NMNAT1: variants seen among roughly 807,000 people sequenced by gnomAD.
NMNAT1 encodes nicotinamide nucleotide adenylyltransferase 1.
Under a neutral mutation model 16.7 loss-of-function variants are expected in NMNAT1, and 11 were observed. The ratio of observed to expected loss-of-function variants is 0.66; its 90% CI spans 0.41 to 1.09. The LOEUF (loss-of-function observed/expected upper bound fraction) is 1.09. Ranked by LOEUF, NMNAT1 falls within the 50% of genes least tolerant of loss-of-function variation. The pLI is 0.00. For missense variants in NMNAT1, 280 were observed against 332.3 expected, an observed-to-expected ratio of 0.84 and a Z score of 1.22; for synonymous variants, 110 against 119.8, an observed-to-expected ratio of 0.92 and a Z score of 0.53.
chr1:9,944,468 A>G (rs549918868), intron 1 of NMNAT1, among the ~76,000 whole-genome samples: 1 of 152,320 alleles, frequency 6.6e-6, no homozygotes, highest in South Asian at 2.1e-4. Flanking sequence ...AGTCCACAGA[A>G]CAACATCAGT....
chr1:9,967,959 G>C (rs568236585), intron 1 of NMNAT1, among the ~76,000 whole-genome samples: 1 of 152,054 alleles, frequency 6.6e-6, no homozygotes, highest in African/African-American at 2.4e-5. Context: ...CTGGACAACA[G>C]AGTGAGATAC....
chr1:9,987,948 A>G (rs1367659844), downstream of NMNAT1, among the ~76,000 whole-genome samples: 1 of 152,128 alleles, frequency 6.6e-6, no homozygotes, highest in African/African-American at 2.4e-5. Flanking sequence ...TTATTTACTT[A>G]CTTATTTCCC....
chr1:9,992,535 G>A, the NMNAT1 span, among the ~76,000 whole-genome samples: 2 of 152,112 alleles, frequency 1.3e-5, no homozygotes, highest in Non-Finnish European at 2.9e-5. Flanking sequence ...TTCAGTCCTA[G>A]TTGTTCCAAT....
chr1:9,986,023 C>T (rs1387114692), downstream of NMNAT1, among the ~76,000 whole-genome samples: 2 of 152,182 alleles, frequency 1.3e-5, no homozygotes, highest in Admixed American at 1.3e-4. Flanking sequence ...GGGATGATCA[C>T]TGTCCCCTTG....
chr1:9,973,568 C>A (rs948803423), intron 2 of NMNAT1, among the ~76,000 whole-genome samples: 2 of 151,220 alleles, frequency 1.3e-5, no homozygotes, highest in Non-Finnish European at 2.9e-5. Flanking sequence ...ATTAGCCGGG[C>A]ATGGTGGCGG....
downstream of NMNAT1, among the ~76,000 whole-genome samples, chr1:9,988,064 C>T (rs933303600): frequency 4.6e-5 from 7 of 152,092 alleles, no homozygotes; most frequent in African/African-American, 1.4e-4. Flanking sequence ...GTGGCACGAT[C>T]TCAGCTCACT....
chr1:9,953,533 C>T lies in NMNAT1; in HGVS notation c.-57+10018C>T, dbSNP rs576499690. ...TCGGCTGACTGCAACCTCTGCCTCCCGGGTTCAAGTGATTCTCCTGCCTCA... is the reference window on the plus strand; with the variant it reads ...TCGGCTGACTGCAACCTCTGCCTCCTGGGTTCAAGTGATTCTCCTGCCTCA... On this transcript the variant is annotated intron_variant, in intron 1 of 4. Transcript: ENST00000377205. 1.2e-4 allele frequency among the ~76,000 whole-genome samples: 18 copies of T among 151,732 alleles called. No individual in the cohort carries two copies. The South Asian group carries it at 1.5e-3, about 12-fold the overall frequency.
chr1:9,982,158 C>T (rs992808935), intron 4 of NMNAT1, 143 bp from the exon 5 acceptor site: 8 of 1,103,854 alleles, frequency 7.2e-6, no homozygotes, highest in South Asian at 4.8e-5. Context: ...CCACCGCACT[C>T]GGCCTAAGCC....
At chr1:9,966,678 G>A (rs1043233666) in intron 1 of NMNAT1, among the ~76,000 whole-genome samples, 1 of 152,032 alleles carries the variant, frequency 6.6e-6, no homozygotes, top group African/African-American at 2.4e-5. Flanking sequence ...CAATAGCAAA[G>A]TTATTTTTTT....
intron 1 of NMNAT1, among the ~76,000 whole-genome samples, chr1:9,955,463 G>GA (rs1641236659): frequency 6.6e-6 from 1 of 151,100 alleles, no homozygotes; most frequent in Admixed American, 6.6e-5. Flanking sequence ...AAATTAGCTG[G>GA]GTGTGGTGGC....
chr1:9,946,973 A>G (rs1640994224), intron 1 of NMNAT1, among the ~76,000 whole-genome samples: 1 of 152,162 alleles, frequency 6.6e-6, no homozygotes, highest in Non-Finnish European at 1.5e-5. Context: ...GTGGTATTTT[A>G]GTATGACAGC....
chr1:9,978,622 C>A (rs1046093207), intron 3 of NMNAT1, among the ~76,000 whole-genome samples: 1 of 152,150 alleles, frequency 6.6e-6, no homozygotes. Context: ...AAAAAATTCT[C>A]CCATGAGGGA....
intron 1 of NMNAT1, among the ~76,000 whole-genome samples, chr1:9,949,007 C>T (rs1350176348): frequency 6.6e-6 from 1 of 151,544 alleles, no homozygotes; most frequent in Non-Finnish European, 1.5e-5. Context: ...TGGTGGCTCA[C>T]GCCTGTAATC....
the NMNAT1 span, among the ~76,000 whole-genome samples, chr1:9,991,293 C>G: frequency 3.3e-5 from 5 of 151,498 alleles, no homozygotes; most frequent in Non-Finnish European, 5.9e-5. Context: ...TCAAGCAATT[C>G]TCTTGCCTCA....
rs201994921 is a variant in NMNAT1 at position 9,982,495 on chromosome 1, G to T, written c.634G>T (p.Val212Leu). 3.7e-6 allele frequency: 6 copies of T among 1,613,900 alleles called. No individual in the cohort carries two copies. The highest frequency in any genetic ancestry group is 2.2e-5 in the South Asian group (2 of 91,078). Residue 212 changes from valine (V) to leucine (L), a missense_variant, in exon 5 of 5, where the codon GTG (valine) becomes TTG (leucine). Coordinates refer to ENST00000377205, the MANE Select transcript of NMNAT1 (RefSeq NM_022787.4). ...GTGGAAACACCGGAGCAACATTCAC[G>T]TGGTGAATGAATGGATCGCTAATGA... Reference protein sequence around the residue: ...VLWKHRSNIHVVNEWIANDIS... With the variant: ...VLWKHRSNIHLVNEWIANDIS...
chr1:9,987,659 AT>A (rs747876968), downstream of NMNAT1, among the ~76,000 whole-genome samples: 261 of 151,666 alleles, frequency 1.7e-3, 1 homozygote, highest in Non-Finnish European at 3.3e-3. Context: ...AAATAAATAA[AT>A]TAAATTAAAT....
intron 1 of NMNAT1, among the ~76,000 whole-genome samples, chr1:9,969,705 C>G (rs546821523): frequency 2.6e-5 from 4 of 152,146 alleles, no homozygotes; most frequent in African/African-American, 7.2e-5. Context: ...GAGCTGAGAT[C>G]GTGCCACTGC....
upstream of NMNAT1, chr1:9,943,030 G>A: frequency 3.2e-6 from 1 of 311,222 alleles, no homozygotes; most frequent in Non-Finnish European, 6.5e-6. Context: ...GAAAAGGTAA[G>A]GGCGGAGAGC....
downstream of NMNAT1, among the ~76,000 whole-genome samples, chr1:9,988,136 T>C (rs1439283812): frequency 6.6e-6 from 1 of 151,952 alleles, no homozygotes. Flanking sequence ...TAGCTGGGAT[T>C]ATAAGCGCAC....
Sources: gnomAD v4.1 joint callset for allele counts (sites outside exome capture counted in the v4.1 genomes callset) on GRCh38, gnomAD v4.1.1 for gene constraint, MANE v1.5 for transcripts, NCBI Gene and HGNC (gene_info 2026-07-23, HGNC 2026-07-21) for gene names.